CCDC88A: variants seen among roughly 807,000 people sequenced by gnomAD.
CCDC88A encodes girdin.
CCDC88A carries 54 observed loss-of-function variants against 234.3 expected under a neutral mutation model. The ratio of observed to expected loss-of-function variants is 0.23; its 90% confidence interval spans 0.19 to 0.29. The LOEUF (loss-of-function observed/expected upper bound fraction) is 0.29, where lower values mean the gene tolerates loss of function less well. Among genes scored for constraint, CCDC88A ranks in the 10% least tolerant of loss-of-function variants. The probability of loss-of-function intolerance (pLI) is 1.00; values close to 1 mark genes in which losing one functional copy is unlikely to be tolerated. For synonymous variants in CCDC88A, 753 were observed against 737.8 expected (o/e 1.02, Z -0.33); for missense variants, 1,832 against 2,123.4 (o/e 0.86, Z 2.70).
chr2:55,356,467 T>C (rs1366486379), intron 7 of CCDC88A: 1 of 152,074 alleles, frequency 6.6e-6, no homozygotes, highest in Non-Finnish European at 1.5e-5. Context: ...ACAAAAGAAA[T>C]CAATTATGAT....
intron 18 of CCDC88A, among the ~76,000 whole-genome samples, chr2:55,319,512 G>A (rs922105936): frequency 3.0e-4 from 46 of 152,078 alleles, no homozygotes; most frequent in Non-Finnish European, 2.9e-5. Flanking sequence ...CAGGTTTACA[G>A]GAACAATCTT....
rs921172343 is a variant in CCDC88A at position 55,369,195 on chromosome 2, C to T, written c.402+3257G>A. ...GATTACAGATGCCCACTACCACACC[C>T]GGCTAATTTTTGTATTTTTAGTAGA... On this transcript the variant is annotated intron_variant, in intron 5 of 32. Coordinates refer to ENST00000436346, the MANE Select transcript of CCDC88A (RefSeq NM_001365480.1). Among the ~76,000 whole-genome samples the T allele has an allele frequency of 1.3e-4, 20 of 151,924 alleles. No individual in the cohort carries two copies. The East Asian group carries it at 2.7e-3, about 21-fold the overall frequency.
At position 55,316,904 on chromosome 2, in the gene CCDC88A, T is replaced by G. The variant is rs919041601; in HGVS notation, c.3746+302A>C. On this transcript the variant is annotated intron_variant, in intron 21 of 32. Coordinates refer to ENST00000436346, the MANE Select transcript of CCDC88A (RefSeq NM_001365480.1). ...GTGCACGCCACCAAGCCTGGCTAAT[T>G]TTTGTATTTTTAGTAGAGACGAGGT... 3 of 153,352 alleles carry G rather than the reference T, an allele frequency of 2.0e-5. No individual in the cohort carries two copies. The East Asian group carries it at 5.7e-4, about 29-fold the overall frequency. 9.5% of individuals were successfully genotyped at this position (153,352 alleles called of 1,614,324 possible).
chr2:55,373,348 T>G (rs1221474673), intron 4 of CCDC88A, among the ~76,000 whole-genome samples: 1 of 152,088 alleles, frequency 6.6e-6, no homozygotes, highest in Non-Finnish European at 1.5e-5. Flanking sequence ...CTGTCCTCCT[T>G]CCCCAACCTC....
chr2:55,384,579 G>C lies in CCDC88A; in HGVS notation c.273+4199C>G, dbSNP rs1343392194. On this transcript the variant is annotated intron_variant, in intron 3 of 32. Coordinates refer to ENST00000436346, the MANE Select transcript of CCDC88A (RefSeq NM_001365480.1). ...TATATACACATATATACGTATATAT[G>C]TGTATATATACACATATATACGTAT... is the stretch of plus-strand genomic sequence containing the variant. Among the ~76,000 whole-genome samples, 2 of 84,642 alleles carry C rather than the reference G, an allele frequency of 2.4e-5. 1 individual carries two copies. The highest frequency in any genetic ancestry group is 4.6e-5 in the Non-Finnish European group (2 of 43,370). 55.5% of individuals were successfully genotyped at this position (84,642 alleles called of 152,430 possible). A position where few individuals can be genotyped will look rare whatever the true frequency, so the allele number is the denominator to read the frequency against.
chr2:55,326,931 CT>C (rs1182460232), intron 17 of CCDC88A, among the ~76,000 whole-genome samples: 2 of 152,204 alleles, frequency 1.3e-5, no homozygotes, highest in South Asian at 2.1e-4. Flanking sequence ...CCCAAACCCA[CT>C]AATTTTCTGG....
At chr2:55,369,352 T>TA (rs1165943618) in intron 5 of CCDC88A, among the ~76,000 whole-genome samples, 1 of 151,844 alleles carries the variant, frequency 6.6e-6, no homozygotes, top group Non-Finnish European at 1.5e-5. Context: ...AACTCTATCT[T>TA]AAAGTGGCAA....
At chr2:55,389,710 T>C (rs1183961548) in intron 2 of CCDC88A, among the ~76,000 whole-genome samples, 3 of 152,084 alleles carry the variant, frequency 2.0e-5, no homozygotes, top group Non-Finnish European at 4.4e-5. Flanking sequence ...ATTTTTGATG[T>C]TGTGGGCTAT....
intron 12 of CCDC88A, chr2:55,339,960 C>T (rs1225615036): frequency 2.0e-5 from 4 of 196,088 alleles, no homozygotes; most frequent in African/African-American, 9.3e-5. Flanking sequence ...GTCTCCCAAG[C>T]GGCCGGGACT....
chr2:55,288,696 T>C lies in CCDC88A; in HGVS notation c.*2504A>G, dbSNP rs1679229611. The C allele has an allele frequency of 6.6e-6, 1 of 152,564 alleles. No homozygotes were observed. The highest frequency in any genetic ancestry group is 1.5e-5 in the Non-Finnish European group (1 of 68,038). 9.5% of individuals were successfully genotyped at this position (152,564 alleles called of 1,614,324 possible). ...CAGATCTGAAGCACATTATTGGAGCTCTGAGCCAAAGCTATTACCCTGTAT... is the reference window on the plus strand; with the variant it reads ...CAGATCTGAAGCACATTATTGGAGCCCTGAGCCAAAGCTATTACCCTGTAT... On this transcript the variant is annotated 3_prime_UTR_variant, in exon 33 of 33. Coordinates refer to ENST00000436346, the MANE Select transcript of CCDC88A (RefSeq NM_001365480.1).
intron 2 of CCDC88A, among the ~76,000 whole-genome samples, chr2:55,398,331 A>T (rs1677975515): frequency 6.6e-6 from 1 of 152,184 alleles, no homozygotes; most frequent in African/African-American, 2.4e-5. Context: ...ATGAAAACAG[A>T]ACTGAAAAGT....
chr2:55,388,139 A>T (rs567988831), intron 3 of CCDC88A, among the ~76,000 whole-genome samples: 1 of 152,340 alleles, frequency 6.6e-6, no homozygotes, highest in East Asian at 1.9e-4. Context: ...TACTAGGCCA[A>T]GCTAAGTAAT....
At chr2:55,312,965 T>TC (rs1682513533) in intron 22 of CCDC88A, 1 of 165,400 alleles carries the variant, frequency 6.0e-6, no homozygotes, top group Admixed American at 5.7e-5. Context: ...TGAGGATAGC[T>TC]CCCACCCAAC....
intron 1 of CCDC88A, 23 bp from the exon 2 acceptor site, chr2:55,418,939 C>G: frequency 6.2e-7 from 1 of 1,607,710 alleles, no homozygotes; most frequent in Non-Finnish European, 8.5e-7. Flanking sequence ...GAAGGATCAC[C>G]ACGACATGAA....
rs1679411831 is a variant in CCDC88A, at chr2:55,291,151, G to A, written c.*49C>T. 1 of 152,434 alleles carries A rather than the reference G, an allele frequency of 6.6e-6. No homozygotes were observed. The highest frequency in any genetic ancestry group is 6.6e-5 in the Admixed American group (1 of 15,262). The allele number at this position is 152,434 out of a possible 1,614,324, so 9.4% of individuals were successfully genotyped here. On this transcript the variant is annotated 3_prime_UTR_variant, in exon 33 of 33. Coordinates refer to ENST00000436346, the MANE Select transcript of CCDC88A (RefSeq NM_001365480.1). Reference sequence around the variant, plus strand: ...AAAGGCTTCATACTGAGAAACTGAAGGACACTTTTCTCTCTGTATTTAGTT... The same window carrying A: ...AAAGGCTTCATACTGAGAAACTGAAAGACACTTTTCTCTCTGTATTTAGTT...
intron 3 of CCDC88A, among the ~76,000 whole-genome samples, chr2:55,377,770 T>A (rs1673923319): frequency 6.6e-6 from 1 of 151,918 alleles, no homozygotes; most frequent in African/African-American, 2.4e-5. Context: ...CCACCATGCC[T>A]GGCTAATTTT....
At chr2:55,327,970 AAG>A (rs1488225026) in intron 17 of CCDC88A, among the ~76,000 whole-genome samples, 1 of 152,212 alleles carries the variant, frequency 6.6e-6, no homozygotes, top group Non-Finnish European at 1.5e-5. Flanking sequence ...CTCGATAGGA[AAG>A]AGTGACAGAG....
Position 55,390,750 on chromosome 2 carries a change from T to C in CCDC88A, c.165-1864A>G, listed in dbSNP as rs553649468. Among the ~76,000 whole-genome samples the C allele has an allele frequency of 6.6e-5, 10 of 152,258 alleles. No individual in the cohort carries two copies. In the South Asian group the frequency reaches 1.7e-3, roughly 25 times the overall value. On this transcript the variant is annotated intron_variant, in intron 2 of 32. Transcript: ENST00000436346. Reference sequence around the variant, plus strand: ...CTTGAGGAGACAAAGCTGGAGTTCATGGATGCTAAACTGACACATTCAGAA... The same window carrying C: ...CTTGAGGAGACAAAGCTGGAGTTCACGGATGCTAAACTGACACATTCAGAA...
At chr2:55,351,512 T>C (rs942011167) in intron 8 of CCDC88A, among the ~76,000 whole-genome samples, 2 of 152,074 alleles carry the variant, frequency 1.3e-5, no homozygotes, top group African/African-American at 4.8e-5. Context: ...ACACCCCTAA[T>C]TTTTAAAAAT....
Sources: gnomAD v4.1 joint callset for allele counts (sites outside exome capture counted in the v4.1 genomes callset) on GRCh38, gnomAD v4.1.1 for gene constraint, MANE v1.5 for transcripts, NCBI Gene and HGNC (gene_info 2026-07-23, HGNC 2026-07-21) for gene names.